CCDC192: variants seen among roughly 807,000 people sequenced by gnomAD.
The protein encoded by CCDC192 is coiled-coil domain containing 192, also known as coiled-coil domain-containing protein 192.
chr5:127,915,670 T>C (rs1753500751), intron 6 of CCDC192, among the ~76,000 whole-genome samples: 1 of 152,208 alleles, frequency 6.6e-6, no homozygotes, highest in Non-Finnish European at 1.5e-5. Context: ...CGTGAGCCAC[T>C]GCGCCCAGCA....
chr5:127,899,876 G>A (rs1752992107), intron 6 of CCDC192, among the ~76,000 whole-genome samples: 1 of 152,212 alleles, frequency 6.6e-6, no homozygotes, highest in Non-Finnish European at 1.5e-5. Flanking sequence ...CCTGATTTCT[G>A]TGTGGGACCT....
chr5:127,872,409 ATACCAACTG>A (rs1392409446), intron 5 of CCDC192, among the ~76,000 whole-genome samples: 2 of 152,184 alleles, frequency 1.3e-5, no homozygotes, highest in Admixed American at 1.3e-4. Context: ...TCTTTAAAGT[ATACCAACTG>A]TACCAACCCT....
intron 2 of CCDC192, among the ~76,000 whole-genome samples, chr5:127,739,291 A>G (rs1384601787): frequency 1.3e-5 from 2 of 152,172 alleles, no homozygotes; most frequent in Non-Finnish European, 2.9e-5. Context: ...GCCCGTTCTC[A>G]GATCTCCAGC....
chr5:127,718,860 T>A (rs554797705), intron 2 of CCDC192, among the ~76,000 whole-genome samples: 1 of 152,154 alleles, frequency 6.6e-6, no homozygotes, highest in Non-Finnish European at 1.5e-5. Flanking sequence ...GATAAATGGG[T>A]ACCCATCACC....
Position 127,833,333 on chromosome 5 carries a change from C to G in CCDC192, c.411+35171C>G, listed in dbSNP as rs554156990. ...TTCATCACTTTCAAAATTATTTAGG[C>G]TTTTAATTCACTGTCCTATTGTCCA... is the stretch of plus-strand genomic sequence containing the variant. On this transcript the variant is annotated intron_variant, in intron 5 of 6. Coordinates refer to ENST00000514853, the MANE Select transcript of CCDC192 (RefSeq NM_001317938.2). Among the ~76,000 whole-genome samples the G allele has an allele frequency of 9.2e-5, 14 of 152,248 alleles. No homozygotes were observed. In the South Asian group the frequency reaches 2.9e-3, roughly 32 times the overall value.
At chr5:127,801,526 T>C (rs1757507250) in intron 5 of CCDC192, among the ~76,000 whole-genome samples, 1 of 152,190 alleles carries the variant, frequency 6.6e-6, no homozygotes, top group South Asian at 2.1e-4. Flanking sequence ...ATGGAGCTGC[T>C]ATCTTTCTTT....
At chr5:127,728,116 T>C (rs1444166305) in intron 2 of CCDC192, among the ~76,000 whole-genome samples, 5 of 152,124 alleles carry the variant, frequency 3.3e-5, no homozygotes, top group Non-Finnish European at 1.5e-5. Flanking sequence ...TTGGAAAACA[T>C]TCTTCAAGAT....
At chr5:127,847,867 G>T (rs1272220408) in intron 5 of CCDC192, among the ~76,000 whole-genome samples, 1 of 126,734 alleles carries the variant, frequency 7.9e-6, no homozygotes, top group Non-Finnish European at 1.7e-5. Context: ...ATAAATAAAT[G>T]CTCACTGCAA....
chr5:127,792,050 GCCTGTAATC>G (rs1369003431), intron 3 of CCDC192, among the ~76,000 whole-genome samples: 1 of 152,188 alleles, frequency 6.6e-6, no homozygotes, highest in African/African-American at 2.4e-5. Context: ...GGTGGCTTAT[GCCTGTAATC>G]CCAGCACTTT....
chr5:127,787,099 T>C (rs1294720673), intron 3 of CCDC192: 1 of 244,260 alleles, frequency 4.1e-6, no homozygotes, highest in East Asian at 1.0e-4. Flanking sequence ...GTTCAGCTAG[T>C]TCTCCATTAG....
At chr5:127,779,658 G>A (rs1053818918) in intron 3 of CCDC192, among the ~76,000 whole-genome samples, 1 of 152,092 alleles carries the variant, frequency 6.6e-6, no homozygotes, top group Non-Finnish European at 1.5e-5. Flanking sequence ...TAAGTAAGTT[G>A]TCATCAACCT....
intron 3 of CCDC192, among the ~76,000 whole-genome samples, chr5:127,759,630 A>G (rs1754800327): frequency 6.6e-6 from 1 of 152,228 alleles, no homozygotes; most frequent in Non-Finnish European, 1.5e-5. Flanking sequence ...CTAAGACAGT[A>G]GGTTCTCAAA....
chr5:127,790,446 C>CT (rs199810575), intron 3 of CCDC192, among the ~76,000 whole-genome samples: 63 of 151,384 alleles, frequency 4.2e-4, no homozygotes, highest in South Asian at 2.1e-3. Flanking sequence ...CAAACATTAT[C>CT]TTTTTTTTTG....
At chr5:127,825,058 A>G (rs1749463678) in intron 5 of CCDC192, among the ~76,000 whole-genome samples, 1 of 152,200 alleles carries the variant, frequency 6.6e-6, no homozygotes, top group South Asian at 2.1e-4. Context: ...AGATTTTGAT[A>G]CTCTTAGAAA....
upstream of CCDC192, among the ~76,000 whole-genome samples, chr5:127,702,715 C>A (rs191038755): frequency 1.9e-4 from 29 of 152,292 alleles, no homozygotes; most frequent in Non-Finnish European, 3.5e-4. Context: ...CTGTGGACTG[C>A]AGGGATCCTA....
intron 3 of CCDC192, among the ~76,000 whole-genome samples, chr5:127,775,239 A>G (rs945486333): frequency 6.6e-6 from 1 of 151,890 alleles, no homozygotes; most frequent in Non-Finnish European, 1.5e-5. Flanking sequence ...CCACACCCCC[A>G]TTACCTCCTC....
At chr5:127,837,861 G>A (rs899071657) in intron 5 of CCDC192, among the ~76,000 whole-genome samples, 8 of 152,228 alleles carry the variant, frequency 5.3e-5, no homozygotes, top group South Asian at 2.1e-4. Flanking sequence ...GGTGGTGCAC[G>A]CCTGTAGTCC....
intron 6 of CCDC192, among the ~76,000 whole-genome samples, chr5:127,935,090 G>A (rs1349972526): frequency 1.3e-5 from 2 of 152,176 alleles, no homozygotes; most frequent in East Asian, 3.9e-4. Context: ...AGAGGGAAAA[G>A]TAAACCTTCA....
At chr5:127,794,826 G>A (rs1757069727) in intron 3 of CCDC192, among the ~76,000 whole-genome samples, 1 of 151,962 alleles carries the variant, frequency 6.6e-6, no homozygotes, top group Admixed American at 6.6e-5. Flanking sequence ...GAATAAAATG[G>A]GCCCAACTGA....
Sources: gnomAD v4.1 joint callset for allele counts (sites outside exome capture counted in the v4.1 genomes callset) on GRCh38, gnomAD v4.1.1 for gene constraint, MANE v1.5 for transcripts, NCBI Gene and HGNC (gene_info 2026-07-23, HGNC 2026-07-21) for gene names.